TPD52: variants seen among roughly 807,000 people sequenced by gnomAD.
The protein encoded by TPD52 is tumor protein D52.
A neutral mutation model predicts 31.3 loss-of-function variants in TPD52; 17 were observed. The observed-to-expected ratio is 0.54, with a 90% CI of 0.37 to 0.82. TPD52 has a LOEUF of 0.82. Ranked by LOEUF, TPD52 falls within the 40% of genes least tolerant of loss-of-function variation. The pLI is 0.00. For synonymous variants in TPD52, 83 were observed against 89.6 expected, an observed-to-expected ratio of 0.93 and a Z score of 0.42; for missense variants, 212 against 240.1, an observed-to-expected ratio of 0.88 and a Z score of 0.77.
At chr8:80,113,576 C>CA (rs1337361378) in intron 1 of TPD52, among the ~76,000 whole-genome samples, 1 of 152,114 alleles carries the variant, frequency 6.6e-6, no homozygotes, top group African/African-American at 2.4e-5. Flanking sequence ...GGCATATACA[C>CA]ACAATGGAAT....
In TPD52 at chr8:80,053,170, C is replaced by T. The variant is rs1811538703; in HGVS notation, c.284+112G>A. 2.4e-6 allele frequency: 3 copies of T among 1,253,730 alleles called. No individual in the cohort carries two copies. In the East Asian group the frequency reaches 7.7e-5, roughly 32 times the overall value. 77.7% of individuals were successfully genotyped at this position (1,253,730 alleles called of 1,614,324 possible). A position where few individuals can be genotyped will look rare whatever the true frequency, so the allele number is the denominator to read the frequency against. ...CAGAAAAAAAGGGTGCCGTGTCGTC[C>T]AAAGAAAAGCTGCTGAAGCATCCTT... On this transcript the variant is annotated intron_variant, in intron 3 of 7. Transcript: ENST00000518937.
At position 80,140,862 on chromosome 8, in the gene TPD52, T is replaced by G. The variant is rs1056897370; in HGVS notation, c.19+30563A>C. Among the ~76,000 whole-genome samples the G allele has an allele frequency of 3.3e-5, 5 of 151,880 alleles. No homozygotes were observed. In the East Asian group the frequency reaches 9.7e-4, roughly 29 times the overall value. ...ACGAGTGGGTCACCTCAGATTTGATTTAACCCTAAACTCAACAATCTCAGG... is the reference window on the plus strand; with the variant it reads ...ACGAGTGGGTCACCTCAGATTTGATGTAACCCTAAACTCAACAATCTCAGG... On this transcript the variant is annotated intron_variant, in intron 1 of 7. Coordinates refer to ENST00000518937, the MANE Select transcript of TPD52 (RefSeq NM_001025253.3).
intron 1 of TPD52, among the ~76,000 whole-genome samples, chr8:80,078,425 A>G (rs1000555049): frequency 5.9e-5 from 9 of 152,228 alleles, no homozygotes; most frequent in Admixed American, 3.9e-4. Flanking sequence ...TGGTCCTAAA[A>G]GCTTCTACGT....
At position 80,064,613 on chromosome 8, in the gene TPD52, A is replaced by G. The variant is rs754756797; in HGVS notation, c.20-20T>C. ...GCAGACCTGGTTGGGGATTTAAACC[A>G]TTTTTTAAAGTGCAAAATCTAAGTA... On this transcript the variant is annotated intron_variant, in intron 1 of 7. Transcript: ENST00000518937. 3 of 1,598,970 alleles carry G rather than the reference A, an allele frequency of 1.9e-6. No individual in the cohort carries two copies. The highest frequency in any genetic ancestry group is 2.2e-5 in the East Asian group (1 of 44,804).
At chr8:80,122,844 G>A (rs1808351125) in intron 1 of TPD52, 1 of 152,348 alleles carries the variant, frequency 6.6e-6, no homozygotes, top group Admixed American at 6.5e-5. Flanking sequence ...TGTTCAGTCA[G>A]AAGCAGGATT....
chr8:80,161,408 G>A (rs1157171785), intron 1 of TPD52, among the ~76,000 whole-genome samples: 1 of 152,078 alleles, frequency 6.6e-6, no homozygotes, highest in Non-Finnish European at 1.5e-5. Context: ...ATTAATGCTA[G>A]AAGTCTTTTT....
chr8:80,169,687 T>C (rs1811948800), intron 1 of TPD52, among the ~76,000 whole-genome samples: 1 of 152,220 alleles, frequency 6.6e-6, no homozygotes, highest in South Asian at 2.1e-4. Context: ...AACAGATTAG[T>C]ATACAAATAC....
At position 80,102,698 on chromosome 8, in the gene TPD52, C is replaced by A. The variant is rs116436352; in HGVS notation, c.20-38105G>T. 8.1e-3 allele frequency among the ~76,000 whole-genome samples: 1,238 copies of A among 152,170 alleles called. 12 individuals are homozygous for A. Among genetic ancestry groups the A allele is most frequent in the African/African-American group, 0.029 (1,192 of 41,498 alleles). On this transcript the variant is annotated intron_variant, in intron 1 of 7. Coordinates refer to ENST00000518937, the MANE Select transcript of TPD52 (RefSeq NM_001025253.3). Reference sequence around the variant, plus strand: ...CTCCAGAGTGATCAGAGTGTCTTTGCGTATTAATGAGATAATTAGTAGCTG... The same window carrying A: ...CTCCAGAGTGATCAGAGTGTCTTTGAGTATTAATGAGATAATTAGTAGCTG...
intron 1 of TPD52, among the ~76,000 whole-genome samples, chr8:80,115,848 G>A (rs1326715215): frequency 1.3e-5 from 2 of 151,426 alleles, no homozygotes; most frequent in African/African-American, 2.4e-5. Flanking sequence ...TAAAACTTCC[G>A]TATGGCAAAA....
intron 2 of TPD52, among the ~76,000 whole-genome samples, chr8:80,058,200 T>C (rs887434975): frequency 1.3e-5 from 2 of 152,198 alleles, no homozygotes; most frequent in African/African-American, 4.8e-5. Flanking sequence ...TGCTATATAC[T>C]CTTAAAAACC....
intron 1 of TPD52, among the ~76,000 whole-genome samples, chr8:80,134,219 T>C (rs1460360746): frequency 6.6e-6 from 1 of 152,226 alleles, no homozygotes; most frequent in Admixed American, 6.5e-5. Context: ...ATTATCTACA[T>C]ATTCTCTGCC....
chr8:80,063,991 GGGAAGGAAGAAAGAGAGGGGAA>G (rs1812837887), intron 2 of TPD52, among the ~76,000 whole-genome samples: 1 of 135,254 alleles, frequency 7.4e-6, no homozygotes, highest in African/African-American at 2.8e-5. Flanking sequence ...AGGGAGGGAG[GGGAAGGAAGAAAGAGAGGGGAA>G]GGAAGGAAGG....
At chr8:80,121,798 T>C (rs182131823) in intron 1 of TPD52, among the ~76,000 whole-genome samples, 66 of 152,306 alleles carry the variant, frequency 4.3e-4, no homozygotes, top group Admixed American at 1.0e-3. Context: ...GTAGCCTGGT[T>C]TATAAACCAG....
intron 1 of TPD52, among the ~76,000 whole-genome samples, chr8:80,135,995 G>A (rs1283119831): frequency 9.5e-5 from 8 of 84,146 alleles, no homozygotes; most frequent in Non-Finnish European, 1.6e-4. Flanking sequence ...GGTGGGGGGA[G>A]GGGGGAGGGA....
chr8:80,086,378 A>G (rs920477839), intron 1 of TPD52, among the ~76,000 whole-genome samples: 2 of 151,632 alleles, frequency 1.3e-5, no homozygotes, highest in East Asian at 1.9e-4. Flanking sequence ...CGGTCCCCCA[A>G]GGTGCTGGGA....
At chr8:80,070,682 G>A (rs570635226) in intron 1 of TPD52, among the ~76,000 whole-genome samples, 13 of 152,312 alleles carry the variant, frequency 8.5e-5, no homozygotes, top group East Asian at 5.8e-4. Context: ...CCACCTGGGC[G>A]TTGGGGATCC....
At chr8:80,168,972 G>A (rs1811891864) in intron 1 of TPD52, among the ~76,000 whole-genome samples, 1 of 152,100 alleles carries the variant, frequency 6.6e-6, no homozygotes, top group Non-Finnish European at 1.5e-5. Context: ...GGAATGGCCA[G>A]GTGGTTTTGT....
intron 1 of TPD52, among the ~76,000 whole-genome samples, chr8:80,149,838 C>T (rs944736849): frequency 3.2e-4 from 49 of 152,066 alleles, no homozygotes; most frequent in African/African-American, 1.1e-3. Context: ...TGGCAAAGCA[C>T]TCAAGAGGAA....
intron 1 of TPD52, among the ~76,000 whole-genome samples, chr8:80,070,233 G>A (rs1322536222): frequency 6.6e-6 from 1 of 151,886 alleles, no homozygotes; most frequent in African/African-American, 2.4e-5. Context: ...CACTTAAATG[G>A]TTATCTTCCC....
Sources: gnomAD v4.1 joint callset for allele counts (sites outside exome capture counted in the v4.1 genomes callset) on GRCh38, gnomAD v4.1.1 for gene constraint, MANE v1.5 for transcripts, NCBI Gene and HGNC (gene_info 2026-07-23, HGNC 2026-07-21) for gene names.